Variants in DLGAP1 observed in about 807,000 individuals in gnomAD.
The protein encoded by DLGAP1 is DLG associated protein 1.
Under a neutral mutation model 90.8 loss-of-function variants are expected in DLGAP1, and 11 were observed. The observed-to-expected ratio is 0.12, with a 90% CI of 0.08 to 0.20. The LOEUF (loss-of-function observed/expected upper bound fraction) is 0.20. DLGAP1 is among the 10% of genes least tolerant of loss of function. The pLI is 1.00. For synonymous variants in DLGAP1, 558 were observed against 540.7 expected (o/e 1.03, Z -0.44); for missense variants, 1,050 against 1,333.8 (o/e 0.79, Z 3.31).
At chr18:4,032,757 A>C (rs2074817401) in intron 2 of DLGAP1, among the ~76,000 whole-genome samples, 1 of 150,778 alleles carries the variant, frequency 6.6e-6, no homozygotes, top group Admixed American at 6.6e-5. Flanking sequence ...TACTCCCATC[A>C]TATCCTGTAC....
At chr18:3,516,797 C>T (rs1316254802) in intron 10 of DLGAP1, among the ~76,000 whole-genome samples, 3 of 152,160 alleles carry the variant, frequency 2.0e-5, no homozygotes, top group Non-Finnish European at 4.4e-5. Context: ...TATAGGGGAA[C>T]CACCCCCATG....
intron 7 of DLGAP1, among the ~76,000 whole-genome samples, chr18:3,641,421 C>T (rs1039727618): frequency 6.8e-6 from 1 of 147,898 alleles, no homozygotes; most frequent in African/African-American, 2.5e-5. Context: ...CCTGTAATCC[C>T]AGCTACTCGG....
At chr18:4,328,410 T>C (rs2080872499) in intron 1 of DLGAP1, among the ~76,000 whole-genome samples, 1 of 152,038 alleles carries the variant, frequency 6.6e-6, no homozygotes, top group East Asian at 1.9e-4. Flanking sequence ...TAGTGTTCCA[T>C]TGTATCTGTA....
chr18:4,433,136 G>A (rs281001), intron 1 of DLGAP1, among the ~76,000 whole-genome samples: 127,283 of 152,158 alleles, frequency 0.84, 53,508 homozygotes, highest in East Asian at 0.96. Context: ...GTGGTATTAC[G>A]CAGTCAAAAT....
chr18:4,152,029 T>C (rs1009942890), intron 1 of DLGAP1, among the ~76,000 whole-genome samples: 2 of 152,170 alleles, frequency 1.3e-5, no homozygotes, highest in African/African-American at 4.8e-5. Flanking sequence ...ATGGAACATA[T>C]AACTGGACCC....
At chr18:4,060,553 T>A (rs562969791) in intron 2 of DLGAP1, among the ~76,000 whole-genome samples, 3 of 152,122 alleles carry the variant, frequency 2.0e-5, no homozygotes, top group South Asian at 4.1e-4. Context: ...CTAGTGAAAA[T>A]CAAACTGAGC....
chr18:4,280,262 T>A (rs780628653), intron 1 of DLGAP1, among the ~76,000 whole-genome samples: 1 of 152,232 alleles, frequency 6.6e-6, no homozygotes, highest in Admixed American at 6.5e-5. Flanking sequence ...CCCTGGCAAT[T>A]ATTAATTTAT....
intron 1 of DLGAP1, among the ~76,000 whole-genome samples, chr18:4,419,148 T>C (rs905110361): frequency 2.6e-5 from 4 of 152,178 alleles, no homozygotes; most frequent in African/African-American, 9.7e-5. Context: ...ATGCTGTTTA[T>C]AAAGACACAC....
intron 1 of DLGAP1, among the ~76,000 whole-genome samples, chr18:4,387,861 G>A (rs866800714): frequency 1.3e-5 from 2 of 151,676 alleles, no homozygotes; most frequent in African/African-American, 4.8e-5. Flanking sequence ...AACCCGGGAG[G>A]TGGATGCTGC....
chr18:4,397,823 C>T (rs748975961), intron 1 of DLGAP1, among the ~76,000 whole-genome samples: 9 of 151,920 alleles, frequency 5.9e-5, no homozygotes, highest in Non-Finnish European at 1.2e-4. Flanking sequence ...ATTAATCAGC[C>T]GGAGGTAAAG....
At chr18:4,145,911 GA>G in intron 2 of DLGAP1, among the ~76,000 whole-genome samples, 1 of 152,190 alleles carries the variant, frequency 6.6e-6, no homozygotes, top group African/African-American at 2.4e-5. Context: ...CACTCTTGAT[GA>G]AAAAGGCCTG....
chr18:4,407,273 C>T (rs759356340), intron 1 of DLGAP1, among the ~76,000 whole-genome samples: 17 of 152,216 alleles, frequency 1.1e-4, no homozygotes, highest in Non-Finnish European at 1.9e-4. Flanking sequence ...ATTCTAGCCA[C>T]CCAAAAGTAC....
chr18:4,412,606 G>A lies in DLGAP1; in HGVS notation c.-267+42400C>T, dbSNP rs543447944. Among the ~76,000 whole-genome samples the A allele has an allele frequency of 3.3e-5, 5 of 152,230 alleles. No homozygotes were observed. The South Asian group carries it at 1.0e-3, about 32-fold the overall frequency. Reference sequence around the variant, plus strand: ...ATGGAGAAACATAAAGTTTAATAAGGAACAGCTTATTGACATGAGAACAAC... The same window carrying A: ...ATGGAGAAACATAAAGTTTAATAAGAAACAGCTTATTGACATGAGAACAAC... On this transcript the variant is annotated intron_variant, in intron 1 of 12. Transcript: ENST00000315677.
At chr18:3,681,116 G>T (rs2060498676) in intron 7 of DLGAP1, among the ~76,000 whole-genome samples, 1 of 152,196 alleles carries the variant, frequency 6.6e-6, no homozygotes, top group Non-Finnish European at 1.5e-5. Flanking sequence ...TGAGAGTTCA[G>T]TTCAATGACT....
intron 3 of DLGAP1, among the ~76,000 whole-genome samples, chr18:3,900,769 T>C (rs1031829206): frequency 1.3e-5 from 2 of 152,196 alleles, no homozygotes; most frequent in Non-Finnish European, 2.9e-5. Flanking sequence ...TTCTTCAATG[T>C]GGGAGTTTGA....
chr18:3,995,461 G>C (rs1334706415), intron 3 of DLGAP1: 2 of 152,154 alleles, frequency 1.3e-5, no homozygotes, highest in Admixed American at 6.5e-5. Flanking sequence ...CCGTAAGAAA[G>C]ACCTTTCCAG....
chr18:3,648,196 C>T (rs147659185), intron 7 of DLGAP1, among the ~76,000 whole-genome samples: 3 of 152,330 alleles, frequency 2.0e-5, no homozygotes, highest in African/African-American at 7.2e-5. Context: ...GGCTTCTGGA[C>T]TGGCATCTAA....
intron 3 of DLGAP1, among the ~76,000 whole-genome samples, chr18:3,891,312 C>T (rs1275734248): frequency 6.6e-6 from 1 of 152,156 alleles, no homozygotes; most frequent in African/African-American, 2.4e-5. Flanking sequence ...GCTCTATGAT[C>T]CTTCTACCTC....
intron 1 of DLGAP1, among the ~76,000 whole-genome samples, chr18:4,359,356 G>A (rs755783282): frequency 2.6e-5 from 4 of 152,168 alleles, no homozygotes; most frequent in Non-Finnish European, 4.4e-5. Context: ...CTTCCTGGAG[G>A]AAAGGAACGT....
Sources: allele counts gnomAD v4.1 joint callset (sites outside exome capture counted in the v4.1 genomes callset), GRCh38; gene constraint gnomAD v4.1.1; transcripts MANE v1.5; gene names NCBI Gene and HGNC (gene_info 2026-07-23, HGNC 2026-07-21).